Variants in L3HYPDH observed in about 807,000 individuals in gnomAD.
L3HYPDH encodes trans-L-3-hydroxyproline dehydratase.
Under a neutral mutation model 26.5 loss-of-function variants are expected in L3HYPDH, and 32 were observed. That is an observed-to-expected ratio of 1.21 (90% CI 0.91 to 1.62). The LOEUF (loss-of-function observed/expected upper bound fraction) is 1.62, where lower values mean the gene tolerates loss of function less well. L3HYPDH is among the 40% of genes most tolerant of loss of function. The probability of loss-of-function intolerance (pLI) is 0.00; values close to 1 mark genes in which losing one functional copy is unlikely to be tolerated. For synonymous variants in L3HYPDH, 215 were observed against 196.6 expected (o/e 1.09, Z -0.78); for missense variants, 554 against 476.4 (o/e 1.16, Z -1.52).
At chr14:59,485,105 G>C, upstream of L3HYPDH, 5 of 1,598,402 alleles carry the variant, frequency 3.1e-6, no homozygotes, top group Non-Finnish European at 4.2e-6. Context: ...CTTGGAGCCT[G>C]GGTTTTGCTT....
At chr14:59,484,740 T>C (rs116224422), upstream of L3HYPDH, 51,826 of 1,088,014 alleles carry the variant, frequency 0.048, 1,450 homozygotes, top group Non-Finnish European at 0.056. Flanking sequence ...CGGGCCGGGC[T>C]CCGCACTCCT....
chr14:59,487,617 G>A, upstream of L3HYPDH: 3 of 1,263,914 alleles, frequency 2.4e-6, no homozygotes, highest in Non-Finnish European at 3.5e-6. Flanking sequence ...GATTTGGGGG[G>A]GTGTTAATGT....
At chr14:59,465,924 T>A (rs1301147131) in intron 1 of L3HYPDH, among the ~76,000 whole-genome samples, 1 of 152,170 alleles carries the variant, frequency 6.6e-6, no homozygotes, top group Non-Finnish European at 1.5e-5. Context: ...AATTTGTATC[T>A]CTAACGGGTT....
upstream of L3HYPDH, chr14:59,487,676 A>G (rs1211403212): frequency 6.2e-7 from 1 of 1,611,436 alleles, no homozygotes; most frequent in African/African-American, 1.3e-5. Context: ...TATTATAGGT[A>G]TGCCCAAGAG....
At chr14:59,504,361 T>C in the L3HYPDH span, 1 of 358,316 alleles carries the variant, frequency 2.8e-6, no homozygotes, top group Middle Eastern at 7.6e-4. Flanking sequence ...CAAAATCATG[T>C]TTCTGTGTAC....
chr14:59,486,523 C>T (rs1255645386), upstream of L3HYPDH, among the ~76,000 whole-genome samples: 6 of 152,160 alleles, frequency 3.9e-5, no homozygotes, highest in African/African-American at 1.4e-4. Flanking sequence ...AGCAAGGTTC[C>T]AGGATAACTG....
the L3HYPDH span, chr14:59,504,301 G>C: frequency 4.1e-6 from 2 of 493,712 alleles, no homozygotes; most frequent in Non-Finnish European, 7.2e-6. Context: ...TACACTGGAA[G>C]GCCGCTAGGA....
chr14:59,476,135 G>T lies in L3HYPDH; in HGVS notation c.758C>A (p.Thr253Asn). 2 of 1,613,890 alleles carry T rather than the reference G, an allele frequency of 1.2e-6. No individual in the cohort carries two copies. The highest frequency in any genetic ancestry group is 8.5e-7 in the Non-Finnish European group (1 of 1,179,882). Residue 253 changes from threonine to asparagine, a missense_variant, in exon 3 of 5, where the codon ACC becomes AAC. Thr to Asn is a moderately conservative substitution (Grantham distance 65, BLOSUM62 0). Coordinates refer to ENST00000247194, the MANE Select transcript of L3HYPDH (RefSeq NM_144581.2). The stretch of plus-strand genomic sequence containing the variant: ...ACAAATGTTGGTGGTTGGTTCCTTG[G>T]TATAAGCATCTTTTCCATCTGTTAA... Reference protein sequence around the residue: ...TILTDGKDAYTKEPTTNICVF... With the variant: ...TILTDGKDAYNKEPTTNICVF...
intron 4 of L3HYPDH, chr14:59,474,373 AGTT>A (rs1428013561): frequency 1.7e-6 from 1 of 601,542 alleles, no homozygotes; most frequent in Non-Finnish European, 2.9e-6. Flanking sequence ...GGGTCTCCAC[AGTT>A]GTTCAGCTGC....
At chr14:59,477,544 G>A (rs1003491354) in intron 2 of L3HYPDH, among the ~76,000 whole-genome samples, 1 of 152,118 alleles carries the variant, frequency 6.6e-6, no homozygotes, top group Non-Finnish European at 1.5e-5. Context: ...CTTTTATTAA[G>A]ATATCCATGA....
At chr14:59,476,067 T>C in intron 3 of L3HYPDH, 25 bp downstream of exon 3, 3 of 1,613,722 alleles carry the variant, frequency 1.9e-6, no homozygotes, top group African/African-American at 1.3e-5. Flanking sequence ...CTGGCTTTTG[T>C]CCCTAAACAT....
At chr14:59,467,855 G>T (rs1432130682), downstream of L3HYPDH, among the ~76,000 whole-genome samples, 1 of 152,154 alleles carries the variant, frequency 6.6e-6, no homozygotes, top group African/African-American at 2.4e-5. Flanking sequence ...TTTCCTTGAT[G>T]AATCCCTCCT....
chr14:59,479,317 C>G lies in L3HYPDH; in HGVS notation c.543G>C (p.Val181=). 6.2e-7 allele frequency: 1 copy of G among 1,613,064 alleles called. No individual in the cohort carries two copies. Among genetic ancestry groups the G allele is most frequent in the Non-Finnish European group, 8.5e-7 (1 of 1,179,812 alleles). ...CACCGCCATATGCAATGTCCACCATCACCTTTCCATGTCCAGGAACATCCA... is the reference window on the plus strand; with the variant it reads ...CACCGCCATATGCAATGTCCACCATGACCTTTCCATGTCCAGGAACATCCA... The part of the protein sequence containing the change: ...LMVDVPGHGK[V]MVDIAYGGAF... Residue 181 remains valine, a synonymous_variant, in exon 2 of 5, where the codon GTG becomes GTC. Coordinates refer to ENST00000247194, the MANE Select transcript of L3HYPDH (RefSeq NM_144581.2).
At position 59,473,142 on chromosome 14, in the gene L3HYPDH, T is replaced by G. The variant is rs771760472; in HGVS notation, c.940-52A>C. On this transcript the variant is annotated intron_variant, in intron 4 of 4. Transcript: ENST00000247194. ...ATCAAAATATTGCACTCGTATTATA[T>G]CTGGCTTGAAAACTGTACTCTTGAC... The G allele has an allele frequency of 2.0e-6, 3 of 1,518,028 alleles. No individual in the cohort carries two copies. The East Asian group carries it at 7.3e-5, about 37-fold the overall frequency. The allele number at this position is 1,518,028 out of a possible 1,614,324, so 94.0% of individuals were successfully genotyped here. A position where few individuals can be genotyped will look rare whatever the true frequency, so the allele number is the denominator to read the frequency against.
At chr14:59,474,305 CAGT>C (rs1889473429) in intron 4 of L3HYPDH, 1 of 543,282 alleles carries the variant, frequency 1.8e-6, no homozygotes, top group East Asian at 3.1e-5. Context: ...CACACATACA[CAGT>C]AGGCAAAGAG....
chr14:59,471,621 C>G (rs147293815), downstream of L3HYPDH, among the ~76,000 whole-genome samples: 876 of 152,272 alleles, frequency 5.8e-3, 9 homozygotes, highest in African/African-American at 0.02. Context: ...AAAACTACCC[C>G]CTACCCTGAT....
the L3HYPDH span, chr14:59,500,831 T>TA: frequency 1.2e-5 from 2 of 160,164 alleles, no homozygotes; most frequent in Admixed American, 6.4e-5. Flanking sequence ...TTTTTATGGT[T>TA]AAAAAATCAA....
downstream of L3HYPDH, among the ~76,000 whole-genome samples, chr14:59,470,965 G>A (rs1232776956): frequency 7.9e-6 from 1 of 127,198 alleles, no homozygotes; most frequent in Admixed American, 7.7e-5. Context: ...CGGGGGGGGG[G>A]GGAGGGCAGG....
downstream of L3HYPDH, among the ~76,000 whole-genome samples, chr14:59,471,495 G>A (rs1256956453): frequency 6.6e-6 from 1 of 152,170 alleles, no homozygotes; most frequent in Admixed American, 6.5e-5. Context: ...TCCCCTGGTG[G>A]AGTTGATAAA....
Sources: gnomAD v4.1 joint callset for allele counts (sites outside exome capture counted in the v4.1 genomes callset) on GRCh38, gnomAD v4.1.1 for gene constraint, MANE v1.5 for transcripts, NCBI Gene and HGNC (gene_info 2026-07-23, HGNC 2026-07-21) for gene names.